SCHIP1: variants seen among roughly 807,000 people sequenced by gnomAD.
SCHIP1 encodes the protein schwannomin-interacting protein 1.
SCHIP1 carries 8 observed loss-of-function variants against 29.7 expected under a neutral mutation model. The observed-to-expected ratio is 0.27, with a 90% CI of 0.16 to 0.49. The LOEUF (loss-of-function observed/expected upper bound fraction) is 0.49. Among genes scored for constraint, SCHIP1 ranks in the 20% least tolerant of loss-of-function variants. The probability of loss-of-function intolerance (pLI) is 0.99; values close to 1 mark genes in which losing one functional copy is unlikely to be tolerated. For synonymous variants in SCHIP1, 76 were observed against 94.9 expected, an observed-to-expected ratio of 0.80 and a Z score of 1.16; for missense variants, 193 against 294.6, an observed-to-expected ratio of 0.66 and a Z score of 2.52.
chr3:159,486,739 C>T, the SCHIP1 span, among the ~76,000 whole-genome samples: 223 of 152,328 alleles, frequency 1.5e-3, no homozygotes, highest in South Asian at 0.023. Context: ...GCTGGTTCAG[C>T]GGCTCAGCAG....
the SCHIP1 span, among the ~76,000 whole-genome samples, chr3:159,532,670 GA>G: frequency 1.3e-5 from 2 of 152,282 alleles, no homozygotes; most frequent in Non-Finnish European, 2.9e-5. Context: ...TTCTTGGGGT[GA>G]GGTGTGTTGT....
At chr3:159,701,712 C>G in the SCHIP1 span, among the ~76,000 whole-genome samples, 2 of 151,906 alleles carry the variant, frequency 1.3e-5, no homozygotes, top group Non-Finnish European at 2.9e-5. Flanking sequence ...TTATAATTTT[C>G]TTAGATTTTC....
chr3:159,288,275 A>T, the SCHIP1 span, among the ~76,000 whole-genome samples: 11 of 152,242 alleles, frequency 7.2e-5, no homozygotes, highest in African/African-American at 1.4e-4. Context: ...TATAATTTTT[A>T]AAAAATAAAT....
At chr3:159,564,397 A>G in the SCHIP1 span, among the ~76,000 whole-genome samples, 1 of 150,254 alleles carries the variant, frequency 6.7e-6, no homozygotes, top group Non-Finnish European at 1.5e-5. Context: ...TTTTTTTTAG[A>G]CGGAGTTTCA....
At chr3:159,339,784 TGAGA>T in the SCHIP1 span, among the ~76,000 whole-genome samples, 1 of 152,176 alleles carries the variant, frequency 6.6e-6, no homozygotes, top group Admixed American at 6.6e-5. Context: ...GTAATCTGCC[TGAGA>T]GTGTATTTCA....
the SCHIP1 span, among the ~76,000 whole-genome samples, chr3:159,579,686 C>A: frequency 6.6e-6 from 1 of 152,102 alleles, no homozygotes; most frequent in African/African-American, 2.4e-5. Context: ...TTGGAAAAAG[C>A]GGACTTTGAC....
At chr3:159,888,716 G>T in intron 4 of SCHIP1, 104 bp from the exon 6 acceptor site, 1 of 1,499,238 alleles carries the variant, frequency 6.7e-7, no homozygotes, top group Non-Finnish European at 8.9e-7. Flanking sequence ...TCACTGAATT[G>T]CAGTGGGTGG....
At chr3:159,504,841 A>G in the SCHIP1 span, among the ~76,000 whole-genome samples, 1 of 152,186 alleles carries the variant, frequency 6.6e-6, no homozygotes, top group African/African-American at 2.4e-5. Context: ...CTGACAGTCC[A>G]CAGGGGACAT....
intron 2 of SCHIP1, among the ~76,000 whole-genome samples, chr3:159,879,105 T>A (rs1716181033): frequency 6.6e-6 from 1 of 152,020 alleles, no homozygotes; most frequent in African/African-American, 2.4e-5. Context: ...ATTCATCTAA[T>A]GTAATAATAT....
chr3:159,519,869 A>AT, the SCHIP1 span, among the ~76,000 whole-genome samples: 50 of 143,812 alleles, frequency 3.5e-4, no homozygotes, highest in African/African-American at 1.2e-3. Context: ...AAGAAAAAAA[A>AT]AATATATATA....
chr3:159,503,323 C>T, the SCHIP1 span, among the ~76,000 whole-genome samples: 1 of 152,180 alleles, frequency 6.6e-6, no homozygotes, highest in Non-Finnish European at 1.5e-5. Context: ...AAACCTTGCC[C>T]TCTTCCCAGT....
the SCHIP1 span, among the ~76,000 whole-genome samples, chr3:159,713,222 G>GAAAGGAAGAA: frequency 9.9e-6 from 1 of 100,902 alleles, no homozygotes; most frequent in East Asian, 2.9e-4. Flanking sequence ...GAGAGAGAGA[G>GAAAGGAAGAA]AGAAAGAAAG....
chr3:159,631,901 T>G, the SCHIP1 span, among the ~76,000 whole-genome samples: 1 of 152,196 alleles, frequency 6.6e-6, no homozygotes, highest in Non-Finnish European at 1.5e-5. Flanking sequence ...ATGGTTTCTC[T>G]GTGTGATATG....
the SCHIP1 span, among the ~76,000 whole-genome samples, chr3:159,820,990 C>T: frequency 6.6e-6 from 1 of 152,278 alleles, no homozygotes; most frequent in Admixed American, 6.5e-5. Context: ...GCTAGTGCAA[C>T]TGGGAAACTG....
At chr3:159,886,466 T>C (rs1194637174) in intron 3 of SCHIP1, 142 bp downstream of exon 4, 22 of 665,542 alleles carry the variant, frequency 3.3e-5, no homozygotes, top group Non-Finnish European at 5.3e-5. Flanking sequence ...CTCCTAAAAT[T>C]TGACAATGAT....
At chr3:159,673,004 T>C in the SCHIP1 span, among the ~76,000 whole-genome samples, 7 of 152,186 alleles carry the variant, frequency 4.6e-5, no homozygotes, top group South Asian at 1.2e-3. Flanking sequence ...ATATAAGCTC[T>C]TTTTGTTATC....
the SCHIP1 span, among the ~76,000 whole-genome samples, chr3:159,671,086 A>C: frequency 1.3e-5 from 2 of 152,160 alleles, no homozygotes; most frequent in African/African-American, 2.4e-5. Context: ...CCTGCTGCTG[A>C]TGAACAGAGC....
At chr3:159,573,082 C>A in the SCHIP1 span, among the ~76,000 whole-genome samples, 13 of 152,030 alleles carry the variant, frequency 8.6e-5, no homozygotes, top group Non-Finnish European at 1.9e-4. Flanking sequence ...CAGTCTGTGT[C>A]TTTTAATTGG....
the SCHIP1 span, among the ~76,000 whole-genome samples, chr3:159,335,169 C>T: frequency 6.6e-6 from 1 of 151,988 alleles, no homozygotes; most frequent in Non-Finnish European, 1.5e-5. Flanking sequence ...CAAATGTTTT[C>T]ATTTCTAAAT....
Sources: gnomAD v4.1 joint callset for allele counts (sites outside exome capture counted in the v4.1 genomes callset) on GRCh38, gnomAD v4.1.1 for gene constraint, MANE v1.5 for transcripts, NCBI Gene and HGNC (gene_info 2026-07-23, HGNC 2026-07-21) for gene names.